Variants in PFDN4 observed in about 807,000 individuals in gnomAD.
PFDN4 encodes the protein prefoldin 4.
In PFDN4, 6 loss-of-function variants were observed where a neutral mutation model predicts 17.6. The observed-to-expected ratio is 0.34, with a 90% CI of 0.19 to 0.67. The LOEUF (loss-of-function observed/expected upper bound fraction) is 0.67. Among genes scored for constraint, PFDN4 ranks in the 30% least tolerant of loss-of-function variants. The probability of loss-of-function intolerance (pLI) is 0.68; values close to 1 mark genes in which losing one functional copy is unlikely to be tolerated. For synonymous variants in PFDN4, 48 were observed against 51.1 expected, an observed-to-expected ratio of 0.94 and a Z score of 0.26; for missense variants, 119 against 158.4, an observed-to-expected ratio of 0.75 and a Z score of 1.33.
intron 3 of PFDN4, 83 bp downstream of exon 3, chr20:54,215,523 C>T: frequency 3.6e-6 from 3 of 824,358 alleles, no homozygotes; most frequent in Non-Finnish European, 5.6e-6. Context: ...ATAGTAGATG[C>T]TAGCTATAGC....
intron 1 of PFDN4, among the ~76,000 whole-genome samples, chr20:54,213,521 C>A (rs1048144315): frequency 9.2e-5 from 14 of 152,106 alleles, no homozygotes; most frequent in African/African-American, 3.4e-4. Context: ...TCAAGTTCCA[C>A]CACCTACTGG....
chr20:54,218,985 T>G (rs745483185), intron 3 of PFDN4, 34 bp from the exon 4 acceptor site: 3 of 1,311,278 alleles, frequency 2.3e-6, no homozygotes, highest in Non-Finnish European at 3.2e-6. Flanking sequence ...ATCATCCTAT[T>G]GAATAGAATT....
intron 2 of PFDN4, 127 bp from the exon 3 acceptor site, chr20:54,215,173 T>C (rs2092760974): frequency 6.4e-6 from 4 of 625,010 alleles, no homozygotes; most frequent in South Asian, 5.2e-5. Flanking sequence ...TAAGGTCTTA[T>C]TCTAATGTGG....
intron 1 of PFDN4, among the ~76,000 whole-genome samples, chr20:54,211,056 G>C (rs1263631675): frequency 6.6e-6 from 1 of 152,178 alleles, no homozygotes; most frequent in African/African-American, 2.4e-5. Context: ...CTGCACTCCA[G>C]CCTGGCGATA....
At chr20:54,212,748 C>T (rs943451786) in intron 1 of PFDN4, among the ~76,000 whole-genome samples, 13 of 152,244 alleles carry the variant, frequency 8.5e-5, no homozygotes, top group East Asian at 1.9e-4. Context: ...AGGAACTCTT[C>T]AGAATTCTCT....
At chr20:54,213,940 T>C (rs1479874486) in intron 1 of PFDN4, among the ~76,000 whole-genome samples, 1 of 151,728 alleles carries the variant, frequency 6.6e-6, no homozygotes, top group Non-Finnish European at 1.5e-5. Flanking sequence ...AAGTTTTAGC[T>C]CTAAGAAAAA....
chr20:54,212,346 C>T (rs544149060), intron 1 of PFDN4, among the ~76,000 whole-genome samples: 12 of 152,308 alleles, frequency 7.9e-5, no homozygotes, highest in Non-Finnish European at 1.2e-4. Flanking sequence ...CTCCACTGGG[C>T]GGCATGCAGT....
At chr20:54,212,050 G>A (rs1314093957) in intron 1 of PFDN4, among the ~76,000 whole-genome samples, 3 of 152,008 alleles carry the variant, frequency 2.0e-5, no homozygotes, top group African/African-American at 4.8e-5. Context: ...AAAATTAGCC[G>A]GACATGGTGG....
In PFDN4 at chr20:54,210,527, G is replaced by A. The variant is rs149190078; in HGVS notation, c.24+2403G>A. Among the ~76,000 whole-genome samples, 5 of 152,328 alleles carry A rather than the reference G, an allele frequency of 3.3e-5. No homozygotes were observed. In the East Asian group the frequency reaches 9.6e-4, roughly 29 times the overall value. ...CTCAACTGGTCATGACTTTGCTGGG[G>A]AGAGTGTTTAGATGAGATGATTCAG... On this transcript the variant is annotated intron_variant, in intron 1 of 3. Coordinates refer to ENST00000371419, the MANE Select transcript of PFDN4 (RefSeq NM_002623.4).
Position 54,219,169 on chromosome 20 carries a change from T to C in PFDN4, c.*19T>C, listed in dbSNP as rs773649447. ...AAGTTAAACATTTTATAATACTTTT[T>C]TTATTTGTTTAATAAACTTGAATAT... On this transcript the variant is annotated 3_prime_UTR_variant, in exon 4 of 4. Coordinates refer to ENST00000371419, the MANE Select transcript of PFDN4 (RefSeq NM_002623.4). 3 of 1,356,120 alleles carry C rather than the reference T, an allele frequency of 2.2e-6. No homozygotes were observed. The highest frequency in any genetic ancestry group is 3.0e-6 in the Non-Finnish European group (3 of 1,007,870). 84.0% of individuals were successfully genotyped at this position (1,356,120 alleles called of 1,614,324 possible).
intron 1 of PFDN4, among the ~76,000 whole-genome samples, chr20:54,210,338 G>A (rs976336467): frequency 1.3e-5 from 2 of 152,212 alleles, no homozygotes; most frequent in African/African-American, 4.8e-5. Flanking sequence ...AACAATTCCC[G>A]ATAGATTAGC....
chr20:54,208,162 C>G, intron 1 of PFDN4, 38 bp downstream of exon 1: 1 of 1,510,038 alleles, frequency 6.6e-7, no homozygotes, highest in Non-Finnish European at 8.9e-7. Flanking sequence ...GCTCGGGCGG[C>G]GCCGGATCTC....
chr20:54,214,307 A>G, intron 1 of PFDN4, 44 bp from the exon 2 acceptor site: 1 of 1,005,836 alleles, frequency 9.9e-7, no homozygotes, highest in African/African-American at 1.6e-5. Flanking sequence ...CTAACTGATA[A>G]CTTCTCCGTT....
chr20:54,216,803 C>T (rs980396504), intron 3 of PFDN4, among the ~76,000 whole-genome samples: 7 of 151,710 alleles, frequency 4.6e-5, no homozygotes, highest in African/African-American at 1.7e-4. Flanking sequence ...ATTACAGGCG[C>T]CCACCACCAC....
At chr20:54,213,897 T>C (rs1222990430) in intron 1 of PFDN4, among the ~76,000 whole-genome samples, 1 of 152,074 alleles carries the variant, frequency 6.6e-6, no homozygotes, top group Admixed American at 6.6e-5. Context: ...GCCACTGAAA[T>C]GTACAGTGAC....
chr20:54,215,149 A>G, intron 2 of PFDN4, 151 bp from the exon 3 acceptor site: 1 of 520,582 alleles, frequency 1.9e-6, no homozygotes, highest in South Asian at 4.1e-5. Context: ...AATGTCTTCT[A>G]AAAAGTTACA....
In PFDN4 at chr20:54,215,424, T is replaced by A; in HGVS notation, c.257T>A (p.Met86Lys). Residue 86 changes from methionine (M) to lysine (K), a missense_variant, in exon 3 of 4, where the codon ATG becomes AAG. Physicochemically the swap from Met to Lys is moderately conservative, Grantham distance 95 (BLOSUM62 -1). Transcript: ENST00000371419. ...ISHSQEETQE[M>K]LEEAKKNLQE... The stretch of plus-strand genomic sequence containing the variant: ...CATTCTCAAGAAGAAACGCAAGAAA[T>A]GTTAGAAGAAGCAAAGGTATGTTAA... 6.2e-7 allele frequency: 1 copy of A among 1,601,298 alleles called. No homozygotes were observed. The highest frequency in any genetic ancestry group is 8.5e-7 in the Non-Finnish European group (1 of 1,172,698).
chr20:54,212,756 T>C (rs2092757658), intron 1 of PFDN4, among the ~76,000 whole-genome samples: 1 of 152,272 alleles, frequency 6.6e-6, no homozygotes, highest in Non-Finnish European at 1.5e-5. Flanking sequence ...TTCAGAATTC[T>C]CTGCTGTCTA....
intron 3 of PFDN4, among the ~76,000 whole-genome samples, chr20:54,216,485 T>A (rs974302404): frequency 2.0e-5 from 3 of 152,208 alleles, no homozygotes; most frequent in African/African-American, 7.2e-5. Context: ...TATGTTTAAA[T>A]CTTTTCTTCT....
Sources: gnomAD v4.1 joint callset for allele counts (sites outside exome capture counted in the v4.1 genomes callset) on GRCh38, gnomAD v4.1.1 for gene constraint, MANE v1.5 for transcripts, NCBI Gene and HGNC (gene_info 2026-07-23, HGNC 2026-07-21) for gene names.